Variants in NBAS observed in about 807,000 individuals in gnomAD.
The protein encoded by NBAS is NBAS subunit of NRZ tethering complex.
In NBAS, 219 loss-of-function variants were observed where a neutral mutation model predicts 302.5. The observed-to-expected ratio is 0.72, with a 90% CI of 0.65 to 0.81. The LOEUF (loss-of-function observed/expected upper bound fraction) is 0.81. Ranked by LOEUF, NBAS falls within the 30% of genes least tolerant of loss-of-function variation. NBAS has a pLI of 0.00. For missense variants in NBAS, 2,932 were observed against 2,841.6 expected (o/e 1.03, Z -0.72); for synonymous variants, 1,118 against 1,021.6 (o/e 1.09, Z -1.80).
At chr2:15,444,744 C>T (rs898417135) in intron 21 of NBAS, among the ~76,000 whole-genome samples, 20 of 151,408 alleles carry the variant, frequency 1.3e-4, no homozygotes, top group African/African-American at 4.1e-4. Flanking sequence ...AAAATTTTCG[C>T]AACCTACTCA....
chr2:15,356,341 T>G lies in NBAS; in HGVS notation c.3893A>C (p.Lys1298Thr), dbSNP rs751577307. The G allele has an allele frequency of 6.2e-7, 1 of 1,613,866 alleles. No homozygotes were observed. Among genetic ancestry groups the G allele is most frequent in the Non-Finnish European group, 8.5e-7 (1 of 1,179,814 alleles). Reference sequence around the variant, plus strand: ...CTCCTGACAATGCATACTGGCTGCTTTGTAGTCATGGAAGCGAAGTGCCTG... The same window carrying G: ...CTCCTGACAATGCATACTGGCTGCTGTGTAGTCATGGAAGCGAAGTGCCTG... ...VEQALRFHDYKAASMHCQELM... is the reference protein window; with the variant it reads ...VEQALRFHDYTAASMHCQELM... The change falls in exon 33 of 52, where the codon AAA (lysine) becomes ACA (threonine). Residue 1298 changes from lysine (K) to threonine (T), a missense_variant. Coordinates refer to ENST00000281513, the MANE Select transcript of NBAS (RefSeq NM_015909.4).
chr2:15,544,014 A>G (rs1663983891), intron 6 of NBAS, among the ~76,000 whole-genome samples: 1 of 152,210 alleles, frequency 6.6e-6, no homozygotes, highest in Non-Finnish European at 1.5e-5. Context: ...CAAACTAGCA[A>G]TGGAAATGAG....
the NBAS span, among the ~76,000 whole-genome samples, chr2:14,838,000 T>C: frequency 3.9e-5 from 6 of 151,928 alleles, no homozygotes; most frequent in Admixed American, 3.3e-4. Context: ...CATGTTGATA[T>C]TCTCACATTT....
chr2:15,221,883 C>A (rs952588323), intron 47 of NBAS, among the ~76,000 whole-genome samples: 1 of 152,182 alleles, frequency 6.6e-6, no homozygotes, highest in Non-Finnish European at 1.5e-5. Context: ...AAAGGCGGTG[C>A]AGTTTAACTC....
chr2:15,150,467 AACAATGTTGTGC>A, the NBAS span, among the ~76,000 whole-genome samples: 1 of 152,296 alleles, frequency 6.6e-6, no homozygotes, highest in African/African-American at 2.4e-5. Flanking sequence ...CTATTTAATA[AACAATGTTGTGC>A]ACCTGAGCTG....
rs113669356 is a variant in NBAS, at chr2:15,331,314, C to G, written c.4180-549G>C. On this transcript the variant is annotated intron_variant, in intron 35 of 51. Transcript: ENST00000281513. ...ACGGTACCTCCTGCCAATCTTGAAGCAATCAGCTGAAATTCTCACTCTCCA... is the reference window on the plus strand; with the variant it reads ...ACGGTACCTCCTGCCAATCTTGAAGGAATCAGCTGAAATTCTCACTCTCCA... Among the ~76,000 whole-genome samples the G allele has an allele frequency of 6.8e-3, 1,038 of 152,228 alleles. 9 individuals carry two copies. The highest frequency in any genetic ancestry group is 0.022 in the African/African-American group (899 of 41,534).
chr2:15,034,321 A>AAAGC, the NBAS span, among the ~76,000 whole-genome samples: 1 of 148,070 alleles, frequency 6.8e-6, no homozygotes, highest in African/African-American at 2.5e-5. Flanking sequence ...AGAGGGAAGG[A>AAAGC]AGGCAGGCAG....
At chr2:15,062,796 C>T in the NBAS span, among the ~76,000 whole-genome samples, 2 of 152,192 alleles carry the variant, frequency 1.3e-5, no homozygotes, top group Non-Finnish European at 2.9e-5. Context: ...GAACCTGCCA[C>T]ATGGAACTTG....
intron 49 of NBAS, 147 bp from the exon 50 acceptor site, chr2:15,187,027 A>AT: frequency 8.3e-7 from 1 of 1,205,422 alleles, no homozygotes; most frequent in East Asian, 2.5e-5. Flanking sequence ...TGTAGAAAAG[A>AT]TAACACCTTA....
chr2:15,367,283 A>T lies in NBAS; in HGVS notation c.3704-590T>A, dbSNP rs147880763. On this transcript the variant is annotated intron_variant, in intron 31 of 51. Coordinates refer to ENST00000281513, the MANE Select transcript of NBAS (RefSeq NM_015909.4). ...ACTATAAAGAAATGAAAATCACATT[A>T]AAAAAACCCTAGACAAAGGGTACTA... Among the ~76,000 whole-genome samples the T allele has an allele frequency of 1.6e-4, 25 of 152,184 alleles. No individual in the cohort carries two copies. The East Asian group carries it at 3.7e-3, about 23-fold the overall frequency.
intron 44 of NBAS, among the ~76,000 whole-genome samples, chr2:15,249,723 A>T (rs1668273780): frequency 6.6e-6 from 1 of 152,200 alleles, no homozygotes; most frequent in Non-Finnish European, 1.5e-5. Flanking sequence ...CTACAAAGAG[A>T]ATAAAATACC....
the NBAS span, among the ~76,000 whole-genome samples, chr2:14,932,853 C>T: frequency 7.2e-4 from 110 of 152,290 alleles, no homozygotes; most frequent in East Asian, 0.018. Flanking sequence ...ACAATAGCTG[C>T]TGTCAGTATG....
At chr2:14,903,977 C>G in the NBAS span, among the ~76,000 whole-genome samples, 1 of 152,184 alleles carries the variant, frequency 6.6e-6, no homozygotes, top group Non-Finnish European at 1.5e-5. Flanking sequence ...CGGCATCGAG[C>G]GCCCTCCATA....
chr2:15,200,154 C>T (rs1665810801), intron 48 of NBAS, among the ~76,000 whole-genome samples: 1 of 152,050 alleles, frequency 6.6e-6, no homozygotes, highest in South Asian at 2.1e-4. Context: ...CTGCCTTGGT[C>T]TCCCAGAGTT....
At chr2:15,493,706 A>G (rs1680957680) in intron 11 of NBAS, among the ~76,000 whole-genome samples, 1 of 152,066 alleles carries the variant, frequency 6.6e-6, no homozygotes, top group Non-Finnish European at 1.5e-5. Context: ...CAAACATTTA[A>G]ACCATGATTC....
chr2:15,342,095 A>G (rs1310652344), intron 35 of NBAS, among the ~76,000 whole-genome samples: 1 of 152,218 alleles, frequency 6.6e-6, no homozygotes, highest in Non-Finnish European at 1.5e-5. Flanking sequence ...AGTTATAAAA[A>G]TAAACCACAA....
At position 15,474,302 on chromosome 2, in the gene NBAS, T is replaced by C. The variant is rs750134785; in HGVS notation, c.1364A>G (p.Lys455Arg). ...AGCTCTAGTCTCCAAACGAGATCGT[T>C]TGGGGGCAAGTTTAATCTCACACTA... ...SLECEIKLAP[K>R]RSRLETRAGE... The change falls in exon 15 of 52, where the codon AAA (lysine) becomes AGA (arginine). Residue 455 changes from lysine to arginine, a missense_variant. Lys to Arg is a conservative substitution (Grantham distance 26, BLOSUM62 2). Transcript: ENST00000281513. 3 of 1,613,526 alleles carry C rather than the reference T, an allele frequency of 1.9e-6. No homozygotes were observed. Among genetic ancestry groups the C allele is most frequent in the East Asian group, 4.5e-5 (2 of 44,856 alleles).
chr2:15,032,205 G>A, the NBAS span, among the ~76,000 whole-genome samples: 57 of 152,320 alleles, frequency 3.7e-4, no homozygotes, highest in African/African-American at 1.3e-3. Flanking sequence ...GTGGGGTGCC[G>A]CTGTAACAGT....
At chr2:15,374,194 G>A (rs1375087508) in intron 31 of NBAS, among the ~76,000 whole-genome samples, 2 of 151,982 alleles carry the variant, frequency 1.3e-5, no homozygotes, top group Non-Finnish European at 2.9e-5. Context: ...ACTGAGTCAA[G>A]CATAAAAAGA....
Sources: gnomAD v4.1 joint callset for allele counts (sites outside exome capture counted in the v4.1 genomes callset) on GRCh38, gnomAD v4.1.1 for gene constraint, MANE v1.5 for transcripts, NCBI Gene and HGNC (gene_info 2026-07-23, HGNC 2026-07-21) for gene names.